ASXL2: variants seen among roughly 807,000 people sequenced by gnomAD.
ASXL2 encodes the protein putative Polycomb group protein ASXL2.
Under a neutral mutation model 122.0 loss-of-function variants are expected in ASXL2, and 23 were observed. The observed-to-expected ratio is 0.19, with a 90% CI of 0.14 to 0.27. The LOEUF (loss-of-function observed/expected upper bound fraction) is 0.27, where lower values mean the gene tolerates loss of function less well. ASXL2 is among the 10% of genes least tolerant of loss of function. The pLI, the probability that ASXL2 is intolerant of heterozygous loss-of-function variation, is 1.00. For missense variants in ASXL2, 1,518 were observed against 1,713.8 expected, an observed-to-expected ratio of 0.89 and a Z score of 2.02; for synonymous variants, 650 against 637.0, an observed-to-expected ratio of 1.02 and a Z score of -0.31.
chr2:25,758,185 G>T (rs919586820), intron 9 of ASXL2, among the ~76,000 whole-genome samples: 2 of 152,194 alleles, frequency 1.3e-5, no homozygotes, highest in Non-Finnish European at 2.9e-5. Context: ...ACAACACTAT[G>T]AAACTGATAT....
intron 10 of ASXL2, 120 bp downstream of exon 10, chr2:25,755,898 A>C (rs1157771285): frequency 3.5e-6 from 3 of 859,534 alleles, no homozygotes; most frequent in African/African-American, 3.4e-5. Context: ...ATGATGGTTA[A>C]TTCTATCCTA....
chr2:25,847,383 C>A (rs886697177), intron 1 of ASXL2, among the ~76,000 whole-genome samples: 6 of 152,122 alleles, frequency 3.9e-5, no homozygotes, highest in African/African-American at 1.4e-4. Context: ...ATGCCCATCC[C>A]TCAAATATTT....
intron 3 of ASXL2, among the ~76,000 whole-genome samples, chr2:25,809,649 G>A (rs1046468232): frequency 6.6e-6 from 1 of 152,172 alleles, no homozygotes; most frequent in African/African-American, 2.4e-5. Context: ...CAACAAAAAA[G>A]GTATTACAAA....
chr2:25,815,651 G>A (rs1254693627), intron 3 of ASXL2, among the ~76,000 whole-genome samples: 1 of 152,172 alleles, frequency 6.6e-6, no homozygotes, highest in Non-Finnish European at 1.5e-5. Context: ...TCTAAGGCCT[G>A]TGAGCAGTCA....
At chr2:25,790,346 G>A (rs562177709) in intron 5 of ASXL2, among the ~76,000 whole-genome samples, 31 of 145,320 alleles carry the variant, frequency 2.1e-4, no homozygotes, top group Non-Finnish European at 4.0e-4. Flanking sequence ...TGTGAGAAGC[G>A]CATGAGCAAG....
chr2:25,742,498 T>A lies in ASXL2; in HGVS notation c.3839A>T (p.Lys1280Met). The A allele has an allele frequency of 1.2e-6, 2 of 1,613,916 alleles. No homozygotes were observed. The highest frequency in any genetic ancestry group is 2.2e-5 in the South Asian group (2 of 91,030). Residue 1280 changes from lysine to methionine, a missense_variant, in exon 13 of 13, where the codon AAG (lysine) becomes ATG (methionine). By Grantham distance (95) the Lys-to-Met change is moderately conservative. Coordinates refer to ENST00000435504, the MANE Select transcript of ASXL2 (RefSeq NM_018263.6). The stretch of plus-strand genomic sequence containing the variant: ...AAGCTCGGGGCTGCTACGGATTGCC[T>A]TACCTCTCACTGCATGAGCCATCTG... Reference protein sequence around the residue: ...QKQMAHAVRGKAIRSSPELFS... With the variant: ...QKQMAHAVRGMAIRSSPELFS...
intron 1 of ASXL2, chr2:25,856,732 G>C: frequency 7.7e-7 from 1 of 1,305,256 alleles, no homozygotes; most frequent in Non-Finnish European, 1.1e-6. Context: ...GAGCCGATCT[G>C]GTTGACCTTC....
intron 5 of ASXL2, among the ~76,000 whole-genome samples, chr2:25,787,312 C>G (rs1045643914): frequency 6.6e-6 from 1 of 152,192 alleles, no homozygotes; most frequent in Non-Finnish European, 1.5e-5. Context: ...AGCAGTGAAT[C>G]CCTCAAACTA....
chr2:25,738,377 T>TG lies in ASXL2; in HGVS notation c.*3651dup, dbSNP rs1163559910. 6.6e-6 allele frequency: 1 copy of TG among 152,214 alleles called. No homozygotes were observed. Among genetic ancestry groups the TG allele is most frequent in the Middle Eastern group, 3.2e-3 (1 of 316 alleles). The allele number at this position is 152,214 out of a possible 1,614,324, so 9.4% of individuals were successfully genotyped here. On this transcript the variant is annotated 3_prime_UTR_variant, in exon 13 of 13. Transcript: ENST00000435504. ...ATTGAAACATGGTAGGAAAGGCCCC[T>TG]GCCTATCACCATGTTTCTCAAAGTC...
chr2:25,868,857 C>T (rs11893283), intron 1 of ASXL2, among the ~76,000 whole-genome samples: 118,828 of 151,910 alleles, frequency 0.78, 48,155 homozygotes, highest in African/African-American at 0.86. Context: ...GCTGAAACCG[C>T]ATCTCTATAA....
intron 11 of ASXL2, among the ~76,000 whole-genome samples, chr2:25,752,503 T>C (rs188249672): frequency 7.2e-5 from 11 of 152,318 alleles, no homozygotes; most frequent in Admixed American, 3.3e-4. Context: ...CCTTAGTGAT[T>C]CTGGATAGCT....
At chr2:25,765,945 T>A (rs538341346) in intron 8 of ASXL2, among the ~76,000 whole-genome samples, 2 of 152,314 alleles carry the variant, frequency 1.3e-5, no homozygotes, top group South Asian at 4.1e-4. Flanking sequence ...TATACTACAT[T>A]AAGAAAAATG....
chr2:25,826,114 C>T (rs1399443714), intron 3 of ASXL2, among the ~76,000 whole-genome samples: 4 of 152,160 alleles, frequency 2.6e-5, no homozygotes, highest in African/African-American at 9.7e-5. Context: ...AAATACTCTT[C>T]CTATAAGTCT....
chr2:25,857,909 G>A (rs2089799958), intron 1 of ASXL2, among the ~76,000 whole-genome samples: 1 of 151,934 alleles, frequency 6.6e-6, no homozygotes, highest in Admixed American at 6.6e-5. Context: ...GTCTCTCTCT[G>A]TCACCCAGGC....
At chr2:25,753,314 G>C (rs1279906814) in intron 11 of ASXL2, among the ~76,000 whole-genome samples, 2 of 151,334 alleles carry the variant, frequency 1.3e-5, no homozygotes, top group African/African-American at 4.9e-5. Flanking sequence ...CAGTTTTAAG[G>C]GTAAAGTATG....
At chr2:25,851,112 C>T (rs2089711704) in intron 1 of ASXL2, among the ~76,000 whole-genome samples, 1 of 150,548 alleles carries the variant, frequency 6.6e-6, no homozygotes, top group South Asian at 2.1e-4. Flanking sequence ...TGCCACTGCA[C>T]TCCAGCCTGG....
intron 5 of ASXL2, among the ~76,000 whole-genome samples, chr2:25,775,474 C>G (rs1466614569): frequency 6.6e-6 from 1 of 152,132 alleles, no homozygotes; most frequent in Non-Finnish European, 1.5e-5. Context: ...GCGGAGTGAC[C>G]TGTAATCACC....
At chr2:25,782,580 TA>T (rs1288069530) in intron 5 of ASXL2, among the ~76,000 whole-genome samples, 9 of 152,004 alleles carry the variant, frequency 5.9e-5, no homozygotes. Context: ...ACCTCTAACA[TA>T]ATGTTAAATA....
At chr2:25,856,900 C>T (rs569828649) in intron 1 of ASXL2, 2 of 676,330 alleles carry the variant, frequency 3.0e-6, no homozygotes, top group East Asian at 2.5e-5. Flanking sequence ...TCGATGGAGA[C>T]GAGTCTAGGT....
Sources: allele counts gnomAD v4.1 joint callset (sites outside exome capture counted in the v4.1 genomes callset), GRCh38; gene constraint gnomAD v4.1.1; transcripts MANE v1.5; gene names NCBI Gene and HGNC (gene_info 2026-07-23, HGNC 2026-07-21).